MEGF9: variants seen among roughly 807,000 people sequenced by gnomAD.
The protein encoded by MEGF9 is multiple epidermal growth factor-like domains protein 9.
Under a neutral mutation model 46.8 loss-of-function variants are expected in MEGF9, and 6 were observed. The observed-to-expected ratio is 0.13, with a 90% CI of 0.07 to 0.25. The LOEUF (loss-of-function observed/expected upper bound fraction) is 0.25, where lower values mean the gene tolerates loss of function less well. MEGF9 is among the 10% of genes least tolerant of loss of function. MEGF9 has a pLI of 1.00. For missense variants in MEGF9, 683 were observed against 792.4 expected (o/e 0.86, Z 1.66); for synonymous variants, 302 against 330.7 (o/e 0.91, Z 0.94).
chr9:120,698,735 A>C (rs964955666), intron 1 of MEGF9, among the ~76,000 whole-genome samples: 2 of 152,256 alleles, frequency 1.3e-5, no homozygotes, highest in African/African-American at 2.4e-5. Flanking sequence ...TGCTGAATTA[A>C]GGGTTTTACA....
intron 1 of MEGF9, among the ~76,000 whole-genome samples, chr9:120,712,306 T>G (rs551510970): frequency 1.1e-4 from 16 of 152,166 alleles, no homozygotes; most frequent in African/African-American, 3.9e-4. Context: ...ACCTTATGAG[T>G]TAAGTACTAC....
chr9:120,694,877 T>C lies in MEGF9; in HGVS notation c.601+18881A>G, dbSNP rs1440846638. Among the ~76,000 whole-genome samples, 3 of 152,178 alleles carry C rather than the reference T, an allele frequency of 2.0e-5. No individual in the cohort carries two copies. In the East Asian group the frequency reaches 5.8e-4, roughly 29 times the overall value. On this transcript the variant is annotated intron_variant, in intron 1 of 5. Transcript: ENST00000373930. ...TTTGTGGTCTAGTTGTATATTATAA[T>C]ATGGTGCTTTGAATTTCCCATTCAC...
At chr9:120,620,497 A>T (rs1265476318) in intron 3 of MEGF9, among the ~76,000 whole-genome samples, 1 of 152,226 alleles carries the variant, frequency 6.6e-6, no homozygotes, top group Non-Finnish European at 1.5e-5. Flanking sequence ...TCACAAATAA[A>T]TATACAATTA....
intron 2 of MEGF9, among the ~76,000 whole-genome samples, chr9:120,644,476 CTAAACT>C (rs1250159733): frequency 6.6e-6 from 1 of 152,128 alleles, no homozygotes; most frequent in Admixed American, 6.5e-5. Flanking sequence ...TGTATGATAG[CTAAACT>C]TAAAGGATGG....
chr9:120,703,745 G>A (rs1172262025), intron 1 of MEGF9, among the ~76,000 whole-genome samples: 1 of 152,126 alleles, frequency 6.6e-6, no homozygotes, highest in East Asian at 1.9e-4. Context: ...GGCTGAGACG[G>A]GTGGATCACC....
intron 2 of MEGF9, among the ~76,000 whole-genome samples, chr9:120,634,719 T>C (rs1292945380): frequency 6.6e-6 from 1 of 152,202 alleles, no homozygotes; most frequent in Admixed American, 6.5e-5. Flanking sequence ...TTAATCTGTT[T>C]ATACTCAAGG....
At chr9:120,710,483 G>A (rs1293117238) in intron 1 of MEGF9, among the ~76,000 whole-genome samples, 2 of 151,294 alleles carry the variant, frequency 1.3e-5, no homozygotes, top group East Asian at 3.9e-4. Flanking sequence ...ATGTTTTGCT[G>A]GGTTTGTGGG....
At chr9:120,699,097 A>G (rs954083874) in intron 1 of MEGF9, among the ~76,000 whole-genome samples, 1 of 152,202 alleles carries the variant, frequency 6.6e-6, no homozygotes, top group Non-Finnish European at 1.5e-5. Flanking sequence ...CCAAGTCTCA[A>G]GTAAAGCATC....
intron 1 of MEGF9, among the ~76,000 whole-genome samples, chr9:120,709,521 G>A (rs79635193): frequency 0.024 from 3,602 of 152,150 alleles, 146 homozygotes; most frequent in African/African-American, 0.083. Context: ...GAAATTATTT[G>A]GCCAAGACAG....
chr9:120,714,119 G>A lies in MEGF9; in HGVS notation c.240C>T (p.Thr80=). 1.6e-6 allele frequency: 2 copies of A among 1,242,408 alleles called. No individual in the cohort carries two copies. Among genetic ancestry groups the A allele is most frequent in the Non-Finnish European group, 2.0e-6 (2 of 993,090 alleles). 77.0% of individuals were successfully genotyped at this position (1,242,408 alleles called of 1,614,324 possible). Residue 80 remains threonine, a synonymous_variant, in exon 1 of 6, where the codon ACC becomes ACT. Coordinates refer to ENST00000373930, the MANE Select transcript of MEGF9 (RefSeq NM_001080497.3). ...GGTGGACGGTGGCGCGCGGGGGCCC[G>A]GTCCTCGGGGCCTGGGCCGTGGGAG... ...ATAPTAQAPR[T]GPPRATVHRP...
chr9:120,636,344 G>A (rs930990427), intron 2 of MEGF9, among the ~76,000 whole-genome samples: 20 of 152,118 alleles, frequency 1.3e-4, no homozygotes, highest in Non-Finnish European at 5.9e-5. Context: ...GTTTCCAATT[G>A]GGTGCAGTGG....
intron 3 of MEGF9, among the ~76,000 whole-genome samples, 199 bp downstream of exon 3, chr9:120,622,417 C>CTTTTTTTTTTTTTTTTT (rs59380409): frequency 1.4e-4 from 14 of 101,170 alleles, no homozygotes; most frequent in Non-Finnish European, 1.8e-4. Flanking sequence ...AGGTATATGA[C>CTTTTTTTTTTTTTTTTT]TTTTTTTTTT....
At position 120,622,611 on chromosome 9, in the gene MEGF9, C is replaced by A; in HGVS notation, c.943+5G>T. The A allele has an allele frequency of 1.2e-6, 2 of 1,613,032 alleles. No homozygotes were observed. The highest frequency in any genetic ancestry group is 1.7e-6 in the Non-Finnish European group (2 of 1,179,656). On this transcript the variant is annotated splice_donor_5th_base_variant and intron_variant, in intron 3 of 5. Transcript: ENST00000373930. ...TTACATGACAAAGTTAAGGAAAGTA[C>A]GTACCTGTGAGGGCATCGCAACTGG...
chr9:120,691,523 C>T, intron 1 of MEGF9: 1 of 341,134 alleles, frequency 2.9e-6, no homozygotes, highest in Non-Finnish European at 6.1e-6. Context: ...AAAAGCTCTT[C>T]ACCAAGATTA....
intron 1 of MEGF9, among the ~76,000 whole-genome samples, chr9:120,699,556 A>T (rs2197251): frequency 2.8e-5 from 4 of 145,178 alleles, no homozygotes; most frequent in African/African-American, 1.0e-4. Flanking sequence ...CATGTCTACA[A>T]TTTTTTTTTT....
At chr9:120,675,509 C>T (rs1440692744) in intron 1 of MEGF9, among the ~76,000 whole-genome samples, 1 of 152,116 alleles carries the variant, frequency 6.6e-6, no homozygotes, top group Non-Finnish European at 1.5e-5. Flanking sequence ...GAGAGGATGG[C>T]TTAAGCCTGG....
intron 1 of MEGF9, among the ~76,000 whole-genome samples, chr9:120,692,594 G>A (rs2043854153): frequency 6.6e-6 from 1 of 152,078 alleles, no homozygotes; most frequent in Non-Finnish European, 1.5e-5. Flanking sequence ...TTCTGAGCAT[G>A]ACATGGAAAG....
At chr9:120,624,645 T>C (rs561599175) in intron 2 of MEGF9, among the ~76,000 whole-genome samples, 2 of 152,084 alleles carry the variant, frequency 1.3e-5, no homozygotes, top group African/African-American at 4.8e-5. Flanking sequence ...GGTGGGTGGG[T>C]CACTTGAGGT....
intron 4 of MEGF9, among the ~76,000 whole-genome samples, chr9:120,608,919 G>A (rs180899299): frequency 5.3e-4 from 80 of 152,286 alleles, no homozygotes; most frequent in African/African-American, 1.9e-3. Context: ...TCCCACTGGA[G>A]TGATCTTAGA....
Sources: gnomAD v4.1 joint callset for allele counts (sites outside exome capture counted in the v4.1 genomes callset) on GRCh38, gnomAD v4.1.1 for gene constraint, MANE v1.5 for transcripts, NCBI Gene and HGNC (gene_info 2026-07-23, HGNC 2026-07-21) for gene names.